ABI3BP: variants seen among roughly 807,000 people sequenced by gnomAD.
ABI3BP encodes target of Nesh-SH3.
Under a neutral mutation model 268.6 loss-of-function variants are expected in ABI3BP, and 216 were observed. The observed-to-expected ratio is 0.80, with a 90% CI of 0.72 to 0.90. ABI3BP has a LOEUF of 0.90. Ranked by LOEUF, ABI3BP falls within the 40% of genes least tolerant of loss-of-function variation. The pLI is 0.00. For missense variants in ABI3BP, 2,090 were observed against 2,182.4 expected (o/e 0.96, Z 0.84); for synonymous variants, 730 against 730.0 (o/e 1.00, Z 0.00).
At chr3:100,931,712 C>T (rs1408981952) in intron 1 of ABI3BP, among the ~76,000 whole-genome samples, 2 of 151,826 alleles carry the variant, frequency 1.3e-5, no homozygotes, top group Non-Finnish European at 2.9e-5. Context: ...AAAGATGATA[C>T]AAAAAATGGA....
At chr3:100,962,621 C>G (rs898581682) in intron 1 of ABI3BP, among the ~76,000 whole-genome samples, 10 of 152,280 alleles carry the variant, frequency 6.6e-5, no homozygotes, top group African/African-American at 2.2e-4. Flanking sequence ...AGTGACTTCA[C>G]TAGATTCACT....
At chr3:100,920,172 T>C (rs527579811) in intron 2 of ABI3BP, among the ~76,000 whole-genome samples, 4 of 152,250 alleles carry the variant, frequency 2.6e-5, no homozygotes, top group African/African-American at 9.6e-5. Context: ...CAACACTATC[T>C]CCGCACCCAC....
At chr3:100,861,412 C>T (rs1321370322) in intron 14 of ABI3BP, among the ~76,000 whole-genome samples, 4 of 152,048 alleles carry the variant, frequency 2.6e-5, no homozygotes, top group African/African-American at 7.3e-5. Context: ...TTACATGAAA[C>T]ATCCAACTTC....
At chr3:100,918,345 C>G (rs992008752) in intron 2 of ABI3BP, among the ~76,000 whole-genome samples, 5 of 149,022 alleles carry the variant, frequency 3.4e-5, no homozygotes, top group African/African-American at 1.3e-4. Flanking sequence ...CCCATCCACC[C>G]GTCCACTCAT....
intron 40 of ABI3BP, among the ~76,000 whole-genome samples, chr3:100,819,049 T>A (rs2098131560): frequency 6.6e-6 from 1 of 152,176 alleles, no homozygotes; most frequent in African/African-American, 2.4e-5. Flanking sequence ...GTAAAGGCAC[T>A]CAGCAAATCA....
chr3:100,754,773 A>G (rs1266428898), intron 63 of ABI3BP, 82 bp from the exon 64 acceptor site: 4 of 1,081,430 alleles, frequency 3.7e-6, no homozygotes, highest in East Asian at 5.2e-5. Context: ...ACGGACATCC[A>G]CTATACTGAC....
rs1198020774 is a variant in ABI3BP, at chr3:100,840,057, G to C, written c.1897+15C>G. 2 of 1,353,958 alleles carry C rather than the reference G, an allele frequency of 1.5e-6. No homozygotes were observed. The highest frequency in any genetic ancestry group is 1.9e-6 in the Non-Finnish European group (2 of 1,029,376). The allele number at this position is 1,353,958 out of a possible 1,614,324, so 83.9% of individuals were successfully genotyped here. A position where few individuals can be genotyped will look rare whatever the true frequency, so the allele number is the denominator to read the frequency against. On this transcript the variant is annotated intron_variant, in intron 23 of 67. Coordinates refer to ENST00000471714, the MANE Select transcript of ABI3BP (RefSeq NM_001375547.2). ...CCACTTTCTATGTTAATTGGAACCT[G>C]AATATCACATTTACCGGGTTTGGAC...
intron 61 of ABI3BP, 61 bp from the exon 62 acceptor site, chr3:100,771,013 G>A (rs1004552934): frequency 1.4e-5 from 19 of 1,320,726 alleles, no homozygotes; most frequent in Non-Finnish European, 1.9e-5. Flanking sequence ...AGATAGAAGT[G>A]AGCTCATAAA....
chr3:100,796,748 T>C (rs1243128090), intron 51 of ABI3BP, among the ~76,000 whole-genome samples: 1 of 152,106 alleles, frequency 6.6e-6, no homozygotes, highest in Admixed American at 6.6e-5. Context: ...AATTAAACAA[T>C]GAGGTAGAGC....
chr3:100,877,297 G>A (rs2099170131), intron 6 of ABI3BP, among the ~76,000 whole-genome samples: 1 of 152,132 alleles, frequency 6.6e-6, no homozygotes, highest in Admixed American at 6.5e-5. Flanking sequence ...TCCAATTGCT[G>A]CTGCTGCTGC....
chr3:100,884,854 G>A (rs944226915), intron 6 of ABI3BP, among the ~76,000 whole-genome samples: 3 of 152,084 alleles, frequency 2.0e-5, no homozygotes, highest in African/African-American at 7.2e-5. Context: ...TAAATACTGG[G>A]TATGAGATTT....
At chr3:100,838,164 T>G in intron 26 of ABI3BP, 46 bp downstream of exon 26, 1 of 1,484,426 alleles carries the variant, frequency 6.7e-7, no homozygotes, top group East Asian at 2.5e-5. Context: ...CAGCAATGTT[T>G]CCAAAGAAAA....
chr3:100,950,215 G>A (rs1463674896), intron 1 of ABI3BP, among the ~76,000 whole-genome samples: 1 of 152,152 alleles, frequency 6.6e-6, no homozygotes, highest in African/African-American at 2.4e-5. Flanking sequence ...CCCTAGCACG[G>A]TGCCTGGCAG....
chr3:100,945,207 A>G (rs541041144), intron 1 of ABI3BP, among the ~76,000 whole-genome samples: 1 of 152,218 alleles, frequency 6.6e-6, no homozygotes, highest in East Asian at 1.9e-4. Context: ...TTTCCAGATA[A>G]TTTTTTCACA....
rs1285119846 is a variant in ABI3BP at position 100,928,892 on chromosome 3, G to A, written c.80-2411C>T. 3.3e-5 allele frequency among the ~76,000 whole-genome samples: 5 copies of A among 152,012 alleles called. No homozygotes were observed. In the East Asian group the frequency reaches 9.6e-4, roughly 29 times the overall value. On this transcript the variant is annotated intron_variant, in intron 1 of 67. Coordinates refer to ENST00000471714, the MANE Select transcript of ABI3BP (RefSeq NM_001375547.2). ...CACCACAGATCATAATGCTCAAGTT[G>A]GGGTGCCAACTGCTAGTGTTTTGTG... is the stretch of plus-strand genomic sequence containing the variant.
intron 9 of ABI3BP, among the ~76,000 whole-genome samples, chr3:100,867,504 G>A (rs944111215): frequency 2.0e-5 from 3 of 151,772 alleles, no homozygotes; most frequent in Non-Finnish European, 2.9e-5. Context: ...AGCCGGGTGT[G>A]GTGGCGGGCC....
At chr3:100,824,750 G>A (rs1044910644) in intron 36 of ABI3BP, 108 bp downstream of exon 36, 13 of 886,462 alleles carry the variant, frequency 1.5e-5, no homozygotes, top group African/African-American at 8.4e-5. Flanking sequence ...TTATGCCCTC[G>A]TGCTTAGGGA....
At chr3:100,969,906 T>C (rs1276493859) in intron 1 of ABI3BP, among the ~76,000 whole-genome samples, 1 of 152,194 alleles carries the variant, frequency 6.6e-6, no homozygotes, top group Non-Finnish European at 1.5e-5. Flanking sequence ...TTAGTCTTAA[T>C]CAACAAGCTA....
chr3:100,755,531 C>T (rs949882433), intron 63 of ABI3BP, among the ~76,000 whole-genome samples: 15 of 152,150 alleles, frequency 9.9e-5, no homozygotes, highest in African/African-American at 3.6e-4. Context: ...TCATATCGGC[C>T]AGTCCCTTAA....
Sources: allele counts gnomAD v4.1 joint callset (sites outside exome capture counted in the v4.1 genomes callset), GRCh38; gene constraint gnomAD v4.1.1; transcripts MANE v1.5; gene names NCBI Gene and HGNC (gene_info 2026-07-23, HGNC 2026-07-21).